TANC2: variants seen among roughly 807,000 people sequenced by gnomAD.
TANC2 encodes tetratricopeptide repeat, ankyrin repeat and coiled-coil containing 2, also known as protein TANC2.
In TANC2, 26 loss-of-function variants were observed where a neutral mutation model predicts 210.5. The ratio of observed to expected loss-of-function variants is 0.12; its 90% CI spans 0.09 to 0.17. The LOEUF (loss-of-function observed/expected upper bound fraction) is 0.17. Among genes scored for constraint, TANC2 ranks in the 10% least tolerant of loss-of-function variants. The pLI, the probability that TANC2 is intolerant of heterozygous loss-of-function variation, is 1.00. For missense variants in TANC2, 2,129 were observed against 2,608.9 expected, an observed-to-expected ratio of 0.82 and a Z score of 4.01; for synonymous variants, 931 against 967.1, an observed-to-expected ratio of 0.96 and a Z score of 0.69.
chr17:63,271,209 AT>A (rs1237519218), intron 9 of TANC2, among the ~76,000 whole-genome samples: 1 of 152,062 alleles, frequency 6.6e-6, no homozygotes, highest in African/African-American at 2.4e-5. Context: ...TGGCCGTTCT[AT>A]TTTTAGATCT....
At chr17:63,195,750 T>C (rs1202400198) in intron 6 of TANC2, among the ~76,000 whole-genome samples, 1 of 152,216 alleles carries the variant, frequency 6.6e-6, no homozygotes, top group East Asian at 1.9e-4. Flanking sequence ...TTGTAAAATA[T>C]GAATCCAGTT....
chr17:63,235,706 G>A (rs1175666664), intron 7 of TANC2, among the ~76,000 whole-genome samples: 1 of 151,970 alleles, frequency 6.6e-6, no homozygotes, highest in Non-Finnish European at 1.5e-5. Flanking sequence ...AAAAACGATT[G>A]TGGAAATTAC....
chr17:63,170,306 G>T (rs982554718), intron 5 of TANC2, among the ~76,000 whole-genome samples: 9 of 150,358 alleles, frequency 6.0e-5, no homozygotes, highest in Admixed American at 4.6e-4. Context: ...GTGGTGGTGG[G>T]TGACTGTAGT....
In TANC2 at chr17:63,098,488, T is replaced by A. The variant is rs1467129838; in HGVS notation, c.140-687T>A. Among the ~76,000 whole-genome samples, 467 of 83,322 alleles carry A rather than the reference T, an allele frequency of 5.6e-3. 15 individuals are homozygous for A. The highest frequency in any genetic ancestry group is 0.033 in the African/African-American group (394 of 12,036). The allele number at this position is 83,322 out of a possible 152,430, so 54.7% of individuals were successfully genotyped here. A position where few individuals can be genotyped will look rare whatever the true frequency, so the allele number is the denominator to read the frequency against. On this transcript the variant is annotated intron_variant, in intron 3 of 27. Transcript: ENST00000689528. Reference sequence around the variant, plus strand: ...CACACACACACACACACATACACTCTCTCTCTCTCTCTCTCTCTCTCTGTG... The same window carrying A: ...CACACACACACACACACATACACTCACTCTCTCTCTCTCTCTCTCTCTGTG...
At chr17:63,253,991 T>C (rs2043121822) in intron 8 of TANC2, among the ~76,000 whole-genome samples, 1 of 152,120 alleles carries the variant, frequency 6.6e-6, no homozygotes, top group African/African-American at 2.4e-5. Flanking sequence ...TGGTTTCATA[T>C]AAATTTTAGG....
chr17:63,169,798 G>A (rs2145559341), intron 5 of TANC2, among the ~76,000 whole-genome samples: 1 of 151,040 alleles, frequency 6.6e-6, no homozygotes, highest in East Asian at 2.0e-4. Flanking sequence ...TGGCAACAAA[G>A]TGAGACTCCA....
rs1402307379 is a variant in TANC2 at position 63,288,351 on chromosome 17, TG to T, written c.1159+20480del. The stretch of plus-strand genomic sequence containing the variant: ...AATTTTCCAGCTATCTTTCTGTTAT[TG>T]GTTTCTAATAATTCCATTGTGATCT... On this transcript the variant is annotated intron_variant, in intron 9 of 27. Coordinates refer to ENST00000689528, the Ensembl canonical transcript of TANC2. 2.0e-5 allele frequency among the ~76,000 whole-genome samples: 3 copies of T among 152,342 alleles called. No individual in the cohort carries two copies. The South Asian group carries it at 6.2e-4, about 32-fold the overall frequency.
Position 63,087,001 on chromosome 17 carries a change from G to A in TANC2, c.140-12174G>A, listed in dbSNP as rs774615799. On this transcript the variant is annotated intron_variant, in intron 3 of 27. Transcript: ENST00000689528. ...CAGCCTGCAGCGGCAACTCACTGGC[G>A]TCCCTTTCTGTGCTGTGGAAGCTTT... Among the ~76,000 whole-genome samples the A allele has an allele frequency of 3.3e-5, 5 of 152,184 alleles. No homozygotes were observed. In the East Asian group the frequency reaches 7.7e-4, roughly 23 times the overall value.
intron 2 of TANC2, among the ~76,000 whole-genome samples, chr17:63,028,994 T>C (rs1261954223): frequency 6.6e-6 from 1 of 152,126 alleles, no homozygotes; most frequent in Non-Finnish European, 1.5e-5. Context: ...ATGGTTTTAC[T>C]ATTTTACAGG....
intron 25 of TANC2, 112 bp downstream of exon 25, chr17:63,413,746 A>G: frequency 6.1e-6 from 6 of 986,900 alleles, no homozygotes; most frequent in Non-Finnish European, 9.0e-6. Context: ...GCAAAGGGAA[A>G]CTACTGTTCC....
intron 5 of TANC2, chr17:63,152,187 C>G (rs894960051): frequency 3.9e-5 from 6 of 152,004 alleles, no homozygotes; most frequent in Admixed American, 3.9e-4. Context: ...TTTGTTTATT[C>G]CTGCTCATTA....
At chr17:62,977,934 TTAAA>T (rs1203504590) in intron 1 of TANC2, among the ~76,000 whole-genome samples, 1 of 152,174 alleles carries the variant, frequency 6.6e-6, no homozygotes, top group Non-Finnish European at 1.5e-5. Context: ...GTTTTTCTAA[TTAAA>T]TAGGGATCAT....
intron 9 of TANC2, among the ~76,000 whole-genome samples, chr17:63,302,302 C>G (rs926341436): frequency 1.3e-5 from 2 of 151,768 alleles, no homozygotes; most frequent in Non-Finnish European, 2.9e-5. Flanking sequence ...TCCACTTGAT[C>G]CAGAGCTGAG....
At chr17:63,222,253 C>A (rs556442742) in intron 7 of TANC2, among the ~76,000 whole-genome samples, 1 of 152,104 alleles carries the variant, frequency 6.6e-6, no homozygotes, top group Non-Finnish European at 1.5e-5. Flanking sequence ...AATACCATCA[C>A]CTTGGGGGTT....
At chr17:63,003,722 G>A (rs189501356) in intron 1 of TANC2, among the ~76,000 whole-genome samples, 107 of 152,262 alleles carry the variant, frequency 7.0e-4, no homozygotes, top group African/African-American at 2.5e-3. Context: ...TATGTTTTGT[G>A]AATAATTTTT....
At chr17:63,388,508 T>C (rs2047857580) in intron 15 of TANC2, 127 bp from the exon 16 acceptor site, 2 of 950,478 alleles carry the variant, frequency 2.1e-6, no homozygotes, top group Non-Finnish European at 3.0e-6. Context: ...TTGCTTGGCA[T>C]GAACATTGTT....
chr17:63,286,998 A>G (rs893370867), intron 9 of TANC2, among the ~76,000 whole-genome samples: 2 of 152,068 alleles, frequency 1.3e-5, no homozygotes, highest in South Asian at 2.1e-4. Flanking sequence ...CAGTGGCGCA[A>G]TCTTGGCCCA....
rs911975820 is a variant in TANC2 at position 63,255,731 on chromosome 17, A to G, written c.1034-12017A>G. ...TCTTAGTCTGGCTAAAAGTTTGTCA[A>G]TTTTATCTTCTCCAAAAAAAACTTT... On this transcript the variant is annotated intron_variant, in intron 8 of 27. Transcript: ENST00000689528. 4.0e-5 allele frequency among the ~76,000 whole-genome samples: 6 copies of G among 151,366 alleles called. No individual in the cohort carries two copies. The East Asian group carries it at 1.2e-3, about 30-fold the overall frequency.
Position 63,296,372 on chromosome 17 carries a change from G to T in TANC2, c.1160-18016G>T, listed in dbSNP as rs1369309986. 2.6e-5 allele frequency among the ~76,000 whole-genome samples: 4 copies of T among 151,910 alleles called. No homozygotes were observed. In the East Asian group the frequency reaches 7.7e-4, roughly 29 times the overall value. Reference sequence around the variant, plus strand: ...AAGGAGTAGAGTCATTGCAAAAATTGTTTGGAAAAGTCACTAAAGGGACAA... The same window carrying T: ...AAGGAGTAGAGTCATTGCAAAAATTTTTTGGAAAAGTCACTAAAGGGACAA... On this transcript the variant is annotated intron_variant, in intron 9 of 27. Transcript: ENST00000689528.
Sources: allele counts gnomAD v4.1 joint callset (sites outside exome capture counted in the v4.1 genomes callset), GRCh38; gene constraint gnomAD v4.1.1; transcripts MANE v1.5; gene names NCBI Gene and HGNC (gene_info 2026-07-23, HGNC 2026-07-21).